The following RBFOX1 variants were observed in gnomAD, a reference collection of about 807,000 sequenced individuals.
RBFOX1 encodes RNA binding protein fox-1 homolog 1.
Under a neutral mutation model 57.7 loss-of-function variants are expected in RBFOX1, and 8 were observed. The ratio of observed to expected loss-of-function variants is 0.14; its 90% confidence interval spans 0.08 to 0.25. The LOEUF (loss-of-function observed/expected upper bound fraction) is 0.25, where lower values mean the gene tolerates loss of function less well. Ranked by LOEUF, RBFOX1 falls within the 10% of genes least tolerant of loss-of-function variation. The pLI is 1.00. For synonymous variants in RBFOX1, 326 were observed against 222.4 expected (o/e 1.47, Z -4.15); for missense variants, 611 against 548.5 (o/e 1.11, Z -1.14).
intron 2 of RBFOX1, among the ~76,000 whole-genome samples, chr16:6,395,289 AG>A (rs1207186480): frequency 6.6e-6 from 1 of 152,222 alleles, no homozygotes; most frequent in Non-Finnish European, 1.5e-5. Context: ...ATGCCAACAA[AG>A]TCAGATTTCA....
intron 4 of RBFOX1, among the ~76,000 whole-genome samples, chr16:7,303,200 C>G (rs950851283): frequency 1.3e-5 from 2 of 152,214 alleles, no homozygotes; most frequent in African/African-American, 2.4e-5. Flanking sequence ...GGCTGCCTGC[C>G]CAACCAAGGC....
At chr16:5,407,736 A>G (rs1182598795) in intron 1 of RBFOX1, among the ~76,000 whole-genome samples, 2 of 152,042 alleles carry the variant, frequency 1.3e-5, no homozygotes, top group Admixed American at 6.6e-5. Flanking sequence ...TTCAGTAGAG[A>G]TGGGGTTTCA....
chr16:6,483,466 C>T (rs1202015863), intron 2 of RBFOX1: 9 of 1,535,676 alleles, frequency 5.9e-6, no homozygotes, highest in East Asian at 2.4e-5. Context: ...TGTGTTTTCC[C>T]GGTGAGGAAA....
At chr16:7,113,810 G>A (rs976963767) in intron 4 of RBFOX1, among the ~76,000 whole-genome samples, 4 of 151,970 alleles carry the variant, frequency 2.6e-5, no homozygotes, top group South Asian at 4.2e-4. Flanking sequence ...GTTCCCTCCC[G>A]TGCTGATGGA....
At chr16:7,667,548 T>A (rs1226103825) in intron 13 of RBFOX1, among the ~76,000 whole-genome samples, 1 of 152,178 alleles carries the variant, frequency 6.6e-6, no homozygotes, top group Non-Finnish European at 1.5e-5. Flanking sequence ...GCTTCTACTT[T>A]AAAGAAAGAT....
chr16:7,241,848 A>G (rs557329613), intron 4 of RBFOX1, among the ~76,000 whole-genome samples: 1 of 152,100 alleles, frequency 6.6e-6, no homozygotes, highest in East Asian at 1.9e-4. Flanking sequence ...AAATATGTAA[A>G]TATGTATATA....
chr16:6,147,360 A>C (rs992951948), intron 1 of RBFOX1, among the ~76,000 whole-genome samples: 22 of 152,114 alleles, frequency 1.4e-4, no homozygotes, highest in African/African-American at 4.1e-4. Context: ...GACCTAACAC[A>C]ACCCTTTCCC....
chr16:7,361,729 G>A (rs1021989998), intron 4 of RBFOX1, among the ~76,000 whole-genome samples: 1 of 152,188 alleles, frequency 6.6e-6, no homozygotes, highest in Admixed American at 6.5e-5. Context: ...GCATGCTGGT[G>A]AAAGTAGGCA....
intron 4 of RBFOX1, among the ~76,000 whole-genome samples, chr16:7,396,138 C>T (rs1421160382): frequency 6.6e-6 from 1 of 152,026 alleles, no homozygotes. Flanking sequence ...TGCCAATAAC[C>T]AGGGCGGAAG....
At chr16:7,127,467 A>G (rs1404573087) in intron 4 of RBFOX1, among the ~76,000 whole-genome samples, 1 of 152,194 alleles carries the variant, frequency 6.6e-6, no homozygotes, top group African/African-American at 2.4e-5. Flanking sequence ...AGAAATAAAT[A>G]TGTTAAGAAA....
intron 2 of RBFOX1, among the ~76,000 whole-genome samples, chr16:5,547,033 G>C (rs1261259536): frequency 6.6e-6 from 1 of 152,120 alleles, no homozygotes; most frequent in African/African-American, 2.4e-5. Flanking sequence ...GGAAATACAA[G>C]TTAAGACCAC....
At chr16:6,363,176 GA>G (rs1284582381) in intron 2 of RBFOX1, among the ~76,000 whole-genome samples, 2 of 152,054 alleles carry the variant, frequency 1.3e-5, no homozygotes, top group Non-Finnish European at 2.9e-5. Flanking sequence ...TATTTATATT[GA>G]AAATATAGAA....
chr16:7,387,307 T>A (rs1017339790), intron 4 of RBFOX1, among the ~76,000 whole-genome samples: 2 of 152,030 alleles, frequency 1.3e-5, no homozygotes, highest in African/African-American at 4.8e-5. Context: ...TTTATCCTCA[T>A]TTTATAGATA....
chr16:5,458,881 A>G (rs1327195689), intron 1 of RBFOX1, among the ~76,000 whole-genome samples: 2 of 152,212 alleles, frequency 1.3e-5, no homozygotes, highest in Non-Finnish European at 1.5e-5. Context: ...AACAAGGTAG[A>G]TATGATCCCT....
intron 3 of RBFOX1, among the ~76,000 whole-genome samples, chr16:6,771,570 T>C (rs1013512455): frequency 6.6e-6 from 1 of 152,172 alleles, no homozygotes; most frequent in African/African-American, 2.4e-5. Context: ...TTCTCAGATA[T>C]GATGCAGATA....
chr16:7,628,719 T>G (rs1167158580), intron 10 of RBFOX1, among the ~76,000 whole-genome samples: 3 of 152,126 alleles, frequency 2.0e-5, no homozygotes, highest in Non-Finnish European at 4.4e-5. Context: ...TTCAAGTGAT[T>G]CTCCTGCCTC....
At chr16:7,338,638 C>G (rs928546311) in intron 4 of RBFOX1, among the ~76,000 whole-genome samples, 1 of 152,188 alleles carries the variant, frequency 6.6e-6, no homozygotes, top group Admixed American at 6.5e-5. Context: ...GACACACACA[C>G]TGTATTTTGA....
chr16:5,337,550 G>T (rs560081404), intron 1 of RBFOX1, among the ~76,000 whole-genome samples: 9 of 151,986 alleles, frequency 5.9e-5, no homozygotes, highest in African/African-American at 1.9e-4. Flanking sequence ...CTACTTCCTC[G>T]AACAATATAT....
intron 3 of RBFOX1, among the ~76,000 whole-genome samples, chr16:5,774,731 A>G (rs1341629773): frequency 6.6e-6 from 1 of 152,132 alleles, no homozygotes. Flanking sequence ...CGCCCAGACT[A>G]GAGTGCAGTG....
Sources: allele counts gnomAD v4.1 joint callset (sites outside exome capture counted in the v4.1 genomes callset), GRCh38; gene constraint gnomAD v4.1.1; transcripts MANE v1.5; gene names NCBI Gene and HGNC (gene_info 2026-07-23, HGNC 2026-07-21).